The following CHD9 variants were observed in gnomAD, a reference collection of about 807,000 sequenced individuals.
CHD9 encodes the protein chromodomain helicase DNA binding protein 9.
A neutral mutation model predicts 316.1 loss-of-function variants in CHD9; 77 were observed. That is an observed-to-expected ratio of 0.24 (90% CI 0.20 to 0.29). The LOEUF (loss-of-function observed/expected upper bound fraction) is 0.29, where lower values mean the gene tolerates loss of function less well. CHD9 is among the 10% of genes least tolerant of loss of function. CHD9 has a pLI of 1.00. For synonymous variants in CHD9, 1,129 were observed against 1,158.3 expected, an observed-to-expected ratio of 0.97 and a Z score of 0.51; for missense variants, 2,763 against 3,438.1, an observed-to-expected ratio of 0.80 and a Z score of 4.91.
At chr16:53,186,819 CT>C (rs1282608833) in intron 2 of CHD9, among the ~76,000 whole-genome samples, 4 of 152,240 alleles carry the variant, frequency 2.6e-5, no homozygotes, top group Admixed American at 2.6e-4. Flanking sequence ...TTTCTCTTTC[CT>C]ACCTCTACAT....
intron 29 of CHD9, among the ~76,000 whole-genome samples, chr16:53,293,748 C>T (rs993296611): frequency 2.0e-5 from 3 of 152,042 alleles, no homozygotes; most frequent in Non-Finnish European, 2.9e-5. Context: ...GCCAGGAGTT[C>T]GAGACCAGCC....
chr16:53,136,557 A>G (rs2039724013), intron 1 of CHD9, among the ~76,000 whole-genome samples: 1 of 60,788 alleles, frequency 1.6e-5, no homozygotes, highest in East Asian at 3.5e-4. Flanking sequence ...ACCTTTTCCT[A>G]AAAAAAAAAA....
At chr16:53,291,661 T>C (rs937262878) in intron 27 of CHD9, 64 bp from the exon 28 acceptor site, 4 of 1,116,872 alleles carry the variant, frequency 3.6e-6, no homozygotes, top group Non-Finnish European at 5.2e-6. Flanking sequence ...TTGATTCTCT[T>C]TTCTTTTTTT....
At chr16:53,273,415 T>C (rs2052482505) in intron 22 of CHD9, among the ~76,000 whole-genome samples, 5 of 152,136 alleles carry the variant, frequency 3.3e-5, no homozygotes, top group Admixed American at 3.3e-4. Flanking sequence ...TAATATGAGA[T>C]GTAGAATTGT....
chr16:53,304,203 C>A lies in CHD9; in HGVS notation c.6197C>A (p.Ser2066Tyr). The change falls in exon 31 of 39, where the codon TCT (serine) becomes TAT (tyrosine). Residue 2066 changes from serine to tyrosine, a missense_variant. Transcript: ENST00000447540. ...PQSSEEESMS[S>Y]VETRTLIKSE... ...TCTTCTGAAGAAGAATCTATGTCTT[C>A]TGTGGAAACCAGGACACTAATAAAA... 1.2e-6 allele frequency: 2 copies of A among 1,611,478 alleles called. No homozygotes were observed.
chr16:53,262,829 A>C (rs1484719299), intron 19 of CHD9, among the ~76,000 whole-genome samples, 158 bp from the exon 20 acceptor site: 2 of 152,206 alleles, frequency 1.3e-5, no homozygotes, highest in Non-Finnish European at 2.9e-5. Context: ...CTTTGCCTTA[A>C]GCAGATGCAG....
At chr16:53,131,610 G>T (rs1012096526) in intron 1 of CHD9, among the ~76,000 whole-genome samples, 5 of 151,828 alleles carry the variant, frequency 3.3e-5, no homozygotes, top group Non-Finnish European at 2.9e-5. Context: ...GGGCGGCCAG[G>T]GCGTGGGAAG....
intron 1 of CHD9, among the ~76,000 whole-genome samples, chr16:53,057,406 C>G (rs1163558906): frequency 6.6e-6 from 1 of 151,528 alleles, no homozygotes; most frequent in Non-Finnish European, 1.5e-5. Context: ...GTAATCCCAG[C>G]ACTTTGGGAG....
At position 53,297,806 on chromosome 16, in the gene CHD9, A is replaced by G. The variant is rs117429364; in HGVS notation, c.5713+648A>G. ...TGGCCTGCTATTCCTGTTTTATAGT[A>G]AAAAGATTTCCTTACTTGTTTTAAA... On this transcript the variant is annotated intron_variant, in intron 30 of 38. Coordinates refer to ENST00000447540, the MANE Select transcript of CHD9 (RefSeq NM_001308319.2). Among the ~76,000 whole-genome samples the G allele has an allele frequency of 1.9e-3, 282 of 152,344 alleles. 2 individuals carry two copies. Among genetic ancestry groups the G allele is most frequent in the Admixed American group, 3.9e-3 (59 of 15,294 alleles).
intron 1 of CHD9, among the ~76,000 whole-genome samples, chr16:53,131,561 C>T (rs943571683): frequency 3.3e-5 from 5 of 151,362 alleles, no homozygotes; most frequent in African/African-American, 1.2e-4. Flanking sequence ...GGTCGGGACA[C>T]GGCAGCCGCG....
At chr16:53,290,978 G>A (rs2054285016) in intron 27 of CHD9, among the ~76,000 whole-genome samples, 1 of 152,112 alleles carries the variant, frequency 6.6e-6, no homozygotes, top group African/African-American at 2.4e-5. Flanking sequence ...TAGCAGCTGA[G>A]AATTTTTCAG....
intron 18 of CHD9, among the ~76,000 whole-genome samples, chr16:53,254,822 A>G (rs1238998686): frequency 1.3e-5 from 2 of 152,196 alleles, no homozygotes; most frequent in Non-Finnish European, 2.9e-5. Context: ...ATGTATTTTC[A>G]AGATAGAAAT....
intron 3 of CHD9, 49 bp from the exon 4 acceptor site, chr16:53,222,595 A>G (rs1359064496): frequency 1.2e-6 from 1 of 854,454 alleles, no homozygotes; most frequent in South Asian, 1.6e-5. Flanking sequence ...AATCAAATTT[A>G]GGAAAATTCA....
intron 2 of CHD9, among the ~76,000 whole-genome samples, chr16:53,203,938 G>A (rs2045658100): frequency 6.8e-6 from 1 of 147,644 alleles, no homozygotes; most frequent in African/African-American, 2.5e-5. Flanking sequence ...GCAGGAGAAT[G>A]GCGTGAACCT....
intron 1 of CHD9, among the ~76,000 whole-genome samples, chr16:53,097,031 T>G (rs1229082743): frequency 1.3e-5 from 2 of 152,052 alleles, no homozygotes; most frequent in African/African-American, 4.8e-5. Context: ...AAAGACCACA[T>G]CTCTCAATAC....
chr16:53,288,061 T>C, intron 27 of CHD9, 47 bp downstream of exon 27: 1 of 1,374,992 alleles, frequency 7.3e-7, no homozygotes, highest in South Asian at 1.2e-5. Flanking sequence ...AGGTATTCTT[T>C]GGTTTCTTGT....
chr16:53,197,660 C>CTTT (rs140745645), intron 2 of CHD9, among the ~76,000 whole-genome samples: 3 of 142,790 alleles, frequency 2.1e-5, no homozygotes, highest in East Asian at 2.0e-4. Flanking sequence ...AATATTCTAG[C>CTTT]TTTTTTTTTT....
intron 22 of CHD9, among the ~76,000 whole-genome samples, chr16:53,271,743 A>G (rs1432057193): frequency 6.6e-6 from 1 of 152,146 alleles, no homozygotes; most frequent in African/African-American, 2.4e-5. Context: ...CAGTGAAAGC[A>G]GAAGCCTATA....
chr16:53,302,601 A>G (rs2055546834), intron 30 of CHD9, among the ~76,000 whole-genome samples: 1 of 152,220 alleles, frequency 6.6e-6, no homozygotes, highest in African/African-American at 2.4e-5. Flanking sequence ...ATTGATTTTT[A>G]GTATCTGCCA....
Sources: allele counts gnomAD v4.1 joint callset (sites outside exome capture counted in the v4.1 genomes callset), GRCh38; gene constraint gnomAD v4.1.1; transcripts MANE v1.5; gene names NCBI Gene and HGNC (gene_info 2026-07-23, HGNC 2026-07-21).